Variants in SUPT3H observed in about 807,000 individuals in gnomAD.
SUPT3H encodes SPT3 homolog, SAGA and STAGA complex component.
SUPT3H carries 44 observed loss-of-function variants against 44.3 expected under a neutral mutation model. The observed-to-expected ratio is 0.99, with a 90% CI of 0.78 to 1.28. The LOEUF is 1.28. Ranked by LOEUF, SUPT3H falls within the 50% of genes most tolerant of loss-of-function variation. The pLI is 0.00. For missense variants in SUPT3H, 380 were observed against 387.1 expected, an observed-to-expected ratio of 0.98 and a Z score of 0.15; for synonymous variants, 124 against 125.6, an observed-to-expected ratio of 0.99 and a Z score of 0.09.
intron 9 of SUPT3H, among the ~76,000 whole-genome samples, chr6:44,936,025 T>C (rs1221371132): frequency 2.6e-5 from 4 of 152,238 alleles, no homozygotes; most frequent in Non-Finnish European, 5.9e-5. Flanking sequence ...CTAGATCTTC[T>C]GCTAAATGTA....
Position 45,288,597 on chromosome 6 carries a change from GTGTATATATATATATGTATATA to G in SUPT3H, c.101+76582_101+76603del, listed in dbSNP as rs1562882980. Among the ~76,000 whole-genome samples, 22 of 31,304 alleles carry G rather than the reference GTGTATATATATATATGTATATA, an allele frequency of 7.0e-4. 1 individual carries two copies. Among genetic ancestry groups the G allele is most frequent in the African/African-American group, 1.9e-3 (22 of 11,840 alleles). 20.5% of individuals were successfully genotyped at this position (31,304 alleles called of 152,430 possible). On this transcript the variant is annotated intron_variant, in intron 2 of 10. Transcript: ENST00000371459. ...TATATATATATGTATATATATATATGTGTATATATATATATGTATATATATATATATATATATAGCAAAGCAT... is the reference window on the plus strand; with the variant it reads ...TATATATATATGTATATATATATATGTATATATATATATATAGCAAAGCAT...
intron 2 of SUPT3H, among the ~76,000 whole-genome samples, chr6:45,158,298 A>ATATATTTTTTTTTTTTT: frequency 1.0e-5 from 1 of 99,694 alleles, no homozygotes; most frequent in African/African-American, 5.0e-5. Flanking sequence ...ATATATATAT[A>ATATATTTTTTTTTTTTT]TTTTTTTTTT....
chr6:45,357,721 C>T (rs543507648), intron 2 of SUPT3H, among the ~76,000 whole-genome samples: 2 of 152,236 alleles, frequency 1.3e-5, no homozygotes, highest in South Asian at 4.1e-4. Flanking sequence ...TGACAGAATA[C>T]TACATAACAT....
chr6:45,022,750 G>A (rs950638431), intron 3 of SUPT3H, among the ~76,000 whole-genome samples: 3 of 151,904 alleles, frequency 2.0e-5, no homozygotes, highest in Non-Finnish European at 4.4e-5. Context: ...ACCAAGTGAA[G>A]ACAGAAATCT....
At chr6:45,108,365 A>C (rs1799562759) in intron 2 of SUPT3H, among the ~76,000 whole-genome samples, 1 of 152,106 alleles carries the variant, frequency 6.6e-6, no homozygotes, top group Non-Finnish European at 1.5e-5. Flanking sequence ...GTAGTCAAGG[A>C]CTATAATTGT....
chr6:45,257,508 C>T (rs1773604351), intron 2 of SUPT3H, among the ~76,000 whole-genome samples: 1 of 152,148 alleles, frequency 6.6e-6, no homozygotes, highest in Non-Finnish European at 1.5e-5. Flanking sequence ...GGTCACATGA[C>T]CCTTCTTAAA....
chr6:45,263,406 T>C (rs780846140), intron 2 of SUPT3H, among the ~76,000 whole-genome samples: 12 of 152,276 alleles, frequency 7.9e-5, no homozygotes, highest in Non-Finnish European at 1.3e-4. Flanking sequence ...CCATATGTTC[T>C]CATCTAAAAG....
intron 2 of SUPT3H, among the ~76,000 whole-genome samples, chr6:45,221,136 C>T (rs1190136870): frequency 6.6e-6 from 1 of 152,124 alleles, no homozygotes; most frequent in Admixed American, 6.5e-5. Flanking sequence ...GAAAACCAAA[C>T]ACTGCATGTT....
downstream of SUPT3H, among the ~76,000 whole-genome samples, chr6:44,809,117 A>C (rs565324602): frequency 6.6e-6 from 1 of 152,368 alleles, no homozygotes; most frequent in African/African-American, 2.4e-5. Context: ...CTTACTTAAA[A>C]AACAGATAGA....
In SUPT3H at chr6:45,179,407, C is replaced by T. The variant is rs549820223; in HGVS notation, c.102-73401G>A. Among the ~76,000 whole-genome samples, 552 of 152,240 alleles carry T rather than the reference C, an allele frequency of 3.6e-3. 6 individuals carry two copies. The highest frequency in any genetic ancestry group is 0.012 in the African/African-American group (510 of 41,524). ...GCCAGCATCATCCTGATACCAAAGCCGGGCAGAGACACAACCAAATAGGAG... is the reference window on the plus strand; with the variant it reads ...GCCAGCATCATCCTGATACCAAAGCTGGGCAGAGACACAACCAAATAGGAG... On this transcript the variant is annotated intron_variant, in intron 2 of 10. Transcript: ENST00000371459.
intron 2 of SUPT3H, among the ~76,000 whole-genome samples, chr6:45,356,485 C>T (rs1793212797): frequency 1.3e-5 from 2 of 152,046 alleles, no homozygotes; most frequent in African/African-American, 4.8e-5. Flanking sequence ...GCAACCTCCA[C>T]CCACCAGGAT....
chr6:45,309,287 C>T (rs1169044980), intron 2 of SUPT3H, among the ~76,000 whole-genome samples: 1 of 148,986 alleles, frequency 6.7e-6, no homozygotes, highest in Admixed American at 6.6e-5. Flanking sequence ...AAATAAATGA[C>T]CAAAATGAAA....
intron 10 of SUPT3H, among the ~76,000 whole-genome samples, chr6:44,897,428 C>A (rs1018586995): frequency 1.3e-5 from 2 of 152,136 alleles, no homozygotes; most frequent in African/African-American, 4.8e-5. Context: ...GGTCTTTTAT[C>A]CAACAGAAAT....
At chr6:45,186,331 A>G in intron 2 of SUPT3H, among the ~76,000 whole-genome samples, 1 of 152,218 alleles carries the variant, frequency 6.6e-6, no homozygotes, top group East Asian at 1.9e-4. Flanking sequence ...CAAAACTAAG[A>G]TGAATCAAAT....
At chr6:45,009,886 T>C (rs1284898055) in intron 5 of SUPT3H, among the ~76,000 whole-genome samples, 2 of 152,188 alleles carry the variant, frequency 1.3e-5, no homozygotes, top group Non-Finnish European at 1.5e-5. Flanking sequence ...AGAATCAGTG[T>C]ATTCATTTCT....
At chr6:44,870,962 C>G (rs952575412) in intron 10 of SUPT3H, among the ~76,000 whole-genome samples, 7 of 151,622 alleles carry the variant, frequency 4.6e-5, no homozygotes, top group East Asian at 2.0e-4. Flanking sequence ...CGGCGCACCA[C>G]GAGACTATAT....
At chr6:45,251,974 G>A (rs1226216409) in intron 2 of SUPT3H, among the ~76,000 whole-genome samples, 2 of 152,110 alleles carry the variant, frequency 1.3e-5, no homozygotes, top group Admixed American at 1.3e-4. Flanking sequence ...AATAAATCAT[G>A]TTTAAATAAA....
chr6:45,289,537 C>T (rs1292189408), intron 2 of SUPT3H, among the ~76,000 whole-genome samples: 1 of 152,036 alleles, frequency 6.6e-6, no homozygotes, highest in African/African-American at 2.4e-5. Flanking sequence ...AAGTTTTTGT[C>T]TTATCTTCCC....
chr6:45,331,126 TGCGC>T (rs1352072883), intron 2 of SUPT3H, among the ~76,000 whole-genome samples: 1 of 132,912 alleles, frequency 7.5e-6, no homozygotes, highest in African/African-American at 2.7e-5. Flanking sequence ...TGTGTGTGTG[TGCGC>T]GCGCGCGCGC....
Sources: allele counts gnomAD v4.1 joint callset (sites outside exome capture counted in the v4.1 genomes callset), GRCh38; gene constraint gnomAD v4.1.1; transcripts MANE v1.5; gene names NCBI Gene and HGNC (gene_info 2026-07-23, HGNC 2026-07-21).